RANBP9: variants seen among roughly 807,000 people sequenced by gnomAD.
RANBP9 encodes ran-binding protein 9.
In RANBP9, 15 loss-of-function variants were observed where a neutral mutation model predicts 84.3. That is an observed-to-expected ratio of 0.18 (90% CI 0.12 to 0.27). The LOEUF (loss-of-function observed/expected upper bound fraction) is 0.27, where lower values mean the gene tolerates loss of function less well. RANBP9 is among the 10% of genes least tolerant of loss of function. The probability of loss-of-function intolerance (pLI) is 1.00; values close to 1 mark genes in which losing one functional copy is unlikely to be tolerated. For missense variants in RANBP9, 809 were observed against 912.8 expected (o/e 0.89, Z 1.46); for synonymous variants, 392 against 349.6 (o/e 1.12, Z -1.35).
intron 1 of RANBP9, among the ~76,000 whole-genome samples, chr6:13,707,171 G>A (rs1435240254): frequency 6.6e-6 from 1 of 151,900 alleles, no homozygotes; most frequent in African/African-American, 2.4e-5. Context: ...TTTCAAGTGT[G>A]TGCCACTTAG....
At chr6:13,628,035 A>G (rs1764670197) in intron 12 of RANBP9, among the ~76,000 whole-genome samples, 1 of 152,224 alleles carries the variant, frequency 6.6e-6, no homozygotes, top group East Asian at 1.9e-4. Context: ...CTTTAAAATG[A>G]CAACAACGTA....
chr6:13,664,042 A>G (rs984255372), intron 2 of RANBP9, among the ~76,000 whole-genome samples: 1 of 152,126 alleles, frequency 6.6e-6, no homozygotes, highest in Non-Finnish European at 1.5e-5. Flanking sequence ...ACAAGGCAAA[A>G]AAGAGAAATA....
At chr6:13,637,576 A>C (rs1356427657) in intron 10 of RANBP9, among the ~76,000 whole-genome samples, 2 of 152,172 alleles carry the variant, frequency 1.3e-5, no homozygotes, top group African/African-American at 2.4e-5. Flanking sequence ...ACTTTACTAG[A>C]GGGAAGAAGG....
chr6:13,652,548 C>A, intron 5 of RANBP9, 111 bp downstream of exon 5: 1 of 1,050,848 alleles, frequency 9.5e-7, no homozygotes, highest in Non-Finnish European at 1.4e-6. Flanking sequence ...TCATATAAAC[C>A]TAATAAATAT....
At chr6:13,628,590 G>A (rs150660883) in intron 12 of RANBP9, among the ~76,000 whole-genome samples, 374 of 152,322 alleles carry the variant, frequency 2.5e-3, no homozygotes, top group African/African-American at 8.5e-3. Context: ...TGGAAGTAGA[G>A]TGAAGCTGTA....
intron 2 of RANBP9, among the ~76,000 whole-genome samples, chr6:13,676,962 G>T (rs1037788792): frequency 2.0e-5 from 3 of 152,092 alleles, no homozygotes. Context: ...AAAGGCAGAG[G>T]TATTTCCTTT....
rs1554221305 is a variant in RANBP9, at chr6:13,629,921, C to CTCGTGT, written c.1947+2448_1947+2449insACACGA. Among the ~76,000 whole-genome samples the CTCGTGT allele has an allele frequency of 6.1e-3, 786 of 128,410 alleles. 33 individuals are homozygous for CTCGTGT. The East Asian group carries it at 0.093, about 15-fold the overall frequency. The allele number at this position is 128,410 out of a possible 152,430, so 84.2% of individuals were successfully genotyped here. A position where few individuals can be genotyped will look rare whatever the true frequency, so the allele number is the denominator to read the frequency against. ...TCTCTCTCTCTCTCTCTCTCTCTCT[C>CTCGTGT]GTGTGTGTGTGTGTGTGTGTGTATT... On this transcript the variant is annotated intron_variant, in intron 12 of 13. Coordinates refer to ENST00000011619, the MANE Select transcript of RANBP9 (RefSeq NM_005493.3).
rs977376249 is a variant in RANBP9 at position 13,621,611 on chromosome 6, C to T, written c.*751G>A. 2 of 152,528 alleles carry T rather than the reference C, an allele frequency of 1.3e-5. No individual in the cohort carries two copies. The highest frequency in any genetic ancestry group is 4.8e-5 in the African/African-American group (2 of 41,404). The allele number at this position is 152,528 out of a possible 1,614,324, so 9.4% of individuals were successfully genotyped here. A position where few individuals can be genotyped will look rare whatever the true frequency, so the allele number is the denominator to read the frequency against. On this transcript the variant is annotated 3_prime_UTR_variant, in exon 14 of 14. Transcript: ENST00000011619. Reference sequence around the variant, plus strand: ...GGTGTACAAAGATTAAATTAAGACACGGTAAATTGACTAAATATTTGGTTT... The same window carrying T: ...GGTGTACAAAGATTAAATTAAGACATGGTAAATTGACTAAATATTTGGTTT...
intron 4 of RANBP9, among the ~76,000 whole-genome samples, chr6:13,654,200 T>C (rs942334102): frequency 2.6e-5 from 4 of 152,150 alleles, no homozygotes; most frequent in African/African-American, 7.2e-5. Context: ...TACCACAACA[T>C]GTTTTTGCTC....
chr6:13,698,930 C>T lies in RANBP9; in HGVS notation c.572-2034G>A, dbSNP rs140103705. On this transcript the variant is annotated intron_variant, in intron 1 of 13. Coordinates refer to ENST00000011619, the MANE Select transcript of RANBP9 (RefSeq NM_005493.3). ...CAATGAACATTCGGGGATCACTTCA[C>T]ATATCCCCATGTCCTATTCTGACTA... 7.8e-3 allele frequency among the ~76,000 whole-genome samples: 1,188 copies of T among 152,266 alleles called. 13 individuals are homozygous for T. Among genetic ancestry groups the T allele is most frequent in the African/African-American group, 0.027 (1,108 of 41,538 alleles).
At chr6:13,628,763 T>A (rs998472539) in intron 12 of RANBP9, among the ~76,000 whole-genome samples, 1 of 152,214 alleles carries the variant, frequency 6.6e-6, no homozygotes, top group African/African-American at 2.4e-5. Context: ...TAACTGGTGA[T>A]GATAACCAAA....
intron 2 of RANBP9, among the ~76,000 whole-genome samples, chr6:13,663,078 A>C (rs1464995895): frequency 6.6e-6 from 1 of 152,154 alleles, no homozygotes; most frequent in East Asian, 1.9e-4. Flanking sequence ...AAGCTCAGCA[A>C]ACATTAATTA....
chr6:13,697,550 A>G (rs1757870562), intron 1 of RANBP9, among the ~76,000 whole-genome samples: 1 of 152,308 alleles, frequency 6.6e-6, no homozygotes, highest in East Asian at 1.9e-4. Context: ...CACTGCTGAC[A>G]CTTTAGAAAA....
In RANBP9 at chr6:13,632,357, A is replaced by C; in HGVS notation, c.1947+13T>G. 1 of 1,606,762 alleles carries C rather than the reference A, an allele frequency of 6.2e-7. No homozygotes were observed. Among genetic ancestry groups the C allele is most frequent in the Non-Finnish European group, 8.5e-7 (1 of 1,176,506 alleles). On this transcript the variant is annotated intron_variant, in intron 12 of 13. Transcript: ENST00000011619. ...TGACATATTCATAATTTTTCAAGAA[A>C]AAATATATTCACCTTCAACATTTTT...
At chr6:13,626,069 A>G (rs1210181529) in intron 12 of RANBP9, among the ~76,000 whole-genome samples, 1 of 152,168 alleles carries the variant, frequency 6.6e-6, no homozygotes, top group African/African-American at 2.4e-5. Context: ...GGAGAGTGGA[A>G]GGCAAAACAT....
intron 2 of RANBP9, among the ~76,000 whole-genome samples, chr6:13,666,590 C>G (rs947790203): frequency 1.2e-4 from 11 of 91,690 alleles, no homozygotes; most frequent in African/African-American, 4.0e-4. Flanking sequence ...AGCCTGGGAC[C>G]CCGTCTCTCC....
chr6:13,646,288 A>C (rs901028883), intron 5 of RANBP9, among the ~76,000 whole-genome samples: 2 of 152,176 alleles, frequency 1.3e-5, no homozygotes, highest in African/African-American at 4.8e-5. Flanking sequence ...GCATGCCTGT[A>C]ATCCCAGCTA....
intron 6 of RANBP9, among the ~76,000 whole-genome samples, 188 bp downstream of exon 6, chr6:13,644,353 TCAAA>T (rs776088192): frequency 7.9e-5 from 12 of 152,352 alleles, no homozygotes; most frequent in Non-Finnish European, 1.6e-4. Context: ...TGTACGTGTG[TCAAA>T]CAATTGTTTT....
chr6:13,637,532 A>T (rs563273513), intron 10 of RANBP9, among the ~76,000 whole-genome samples: 1 of 152,336 alleles, frequency 6.6e-6, no homozygotes, highest in African/African-American at 2.4e-5. Flanking sequence ...GCTGGCAGGA[A>T]GACAATGCAT....
Sources: allele counts gnomAD v4.1 joint callset (sites outside exome capture counted in the v4.1 genomes callset), GRCh38; gene constraint gnomAD v4.1.1; transcripts MANE v1.5; gene names NCBI Gene and HGNC (gene_info 2026-07-23, HGNC 2026-07-21).